The following CARS1 variants were observed in gnomAD, a reference collection of about 807,000 sequenced individuals.
CARS1 encodes cysteinyl-tRNA synthetase 1, also known as cysteine--tRNA ligase, cytoplasmic.
CARS1 carries 48 observed loss-of-function variants against 106.2 expected under a neutral mutation model. That is an observed-to-expected ratio of 0.45 (90% CI 0.36 to 0.57). The LOEUF is 0.57. Among genes scored for constraint, CARS1 ranks in the 20% least tolerant of loss-of-function variants. The pLI is 0.00. For synonymous variants in CARS1, 409 were observed against 403.4 expected, an observed-to-expected ratio of 1.01 and a Z score of -0.17; for missense variants, 968 against 1,057.2, an observed-to-expected ratio of 0.92 and a Z score of 1.17.
intron 18 of CARS1, chr11:3,009,338 A>T (rs1039744765): frequency 5.3e-5 from 8 of 152,268 alleles, no homozygotes; most frequent in African/African-American, 1.9e-4. Flanking sequence ...TAAGCCAGAC[A>T]CAGGACAAAC....
At chr11:3,002,289 T>C (rs750363683) in intron 21 of CARS1, 1 of 655,766 alleles carries the variant, frequency 1.5e-6, no homozygotes, top group Non-Finnish European at 2.6e-6. Context: ...AACCTAATAG[T>C]AGTAAGTCTA....
At chr11:3,001,759 G>A (rs549357873) in intron 22 of CARS1, among the ~76,000 whole-genome samples, 1 of 152,344 alleles carries the variant, frequency 6.6e-6, no homozygotes, top group South Asian at 2.1e-4. Flanking sequence ...AGTGGAGGGG[G>A]CCCTGGCACG....
rs748355863 is a variant in CARS1, at chr11:3,047,931, G to A, written c.96C>T (p.Leu32=). The A allele has an allele frequency of 1.2e-6, 2 of 1,614,062 alleles. No individual in the cohort carries two copies. Among genetic ancestry groups the A allele is most frequent in the Non-Finnish European group, 1.7e-6 (2 of 1,180,050 alleles). Residue 32 remains leucine (L), a synonymous_variant, in exon 2 of 23, where the codon CTC becomes CTT. Coordinates refer to ENST00000380525, the MANE Select transcript of CARS1 (RefSeq NM_001014437.3). ...AARAQALNEH[L]STRSYVQGYS... ...ACCCCTGGACATAGCTACGCGTGCT[G>A]AGGTGCTCGTTCAGGGCTTGTGCCC...
chr11:3,026,473 T>C (rs1475155276), intron 10 of CARS1, among the ~76,000 whole-genome samples: 1 of 152,044 alleles, frequency 6.6e-6, no homozygotes, highest in Non-Finnish European at 1.5e-5. Context: ...TTATTATATA[T>C]CCATTAAAAA....
intron 7 of CARS1, among the ~76,000 whole-genome samples, chr11:3,033,659 C>A (rs1233365494): frequency 6.6e-6 from 1 of 151,970 alleles, no homozygotes; most frequent in Non-Finnish European, 1.5e-5. Context: ...CAAAGAAAAA[C>A]AGAATAAATC....
At chr11:3,027,414 G>A (rs1476281667) in intron 9 of CARS1, 1 of 155,184 alleles carries the variant, frequency 6.4e-6, no homozygotes, top group East Asian at 1.9e-4. Context: ...GGGTCTCTGG[G>A]AGCAGGCGCA....
intron 10 of CARS1, among the ~76,000 whole-genome samples, chr11:3,023,203 C>T (rs1851736017): frequency 6.6e-6 from 1 of 152,178 alleles, no homozygotes; most frequent in African/African-American, 2.4e-5. Context: ...AACATTCCTT[C>T]ACCACGTGAC....
rs376634473 is a variant in CARS1, at chr11:3,005,367, C to T, written c.2216G>A (p.Arg739Gln). 3.2e-5 allele frequency: 51 copies of T among 1,608,680 alleles called. 1 individual carries two copies. Among genetic ancestry groups the T allele is most frequent in the South Asian group, 2.0e-4 (18 of 90,802 alleles). Residue 739 changes from arginine (R) to glutamine (Q), a missense_variant and splice_region_variant, in exon 20 of 23, where the codon CGG (arginine) becomes CAG (glutamine). Arg to Gln is a conservative substitution (Grantham distance 43). Transcript: ENST00000380525. ...TTAAGTCATTTTCACTTTACTCACC[C>T]GTCTCTTTTCTTCTCTCTCTTTTAA... ...TLLKEREEKRRVEEEKRKKKE... is the reference protein window; with the variant it reads ...TLLKEREEKRQVEEEKRKKKE...
intron 10 of CARS1, among the ~76,000 whole-genome samples, chr11:3,023,142 T>C (rs1003484224): frequency 2.0e-5 from 3 of 152,158 alleles, no homozygotes; most frequent in African/African-American, 7.2e-5. Flanking sequence ...TGGGGCCAGA[T>C]AGCAAAATTC....
rs1297681091 is a variant in CARS1 at position 3,037,517 on chromosome 11, C to T, written c.801+533G>A. On this transcript the variant is annotated intron_variant, in intron 7 of 22. Transcript: ENST00000380525. The surrounding 1 kb of genome is among the most constrained non-coding windows in gnomAD (Gnocchi z 5.9). ...CTGACTGTGTCCAGGGCGCCAGCCA[C>T]AGGGAAAGGCCTGAGGAAGAGGGCA... Among the ~76,000 whole-genome samples, 1 of 152,222 alleles carries T rather than the reference C, an allele frequency of 6.6e-6. No individual in the cohort carries two copies. The highest frequency in any genetic ancestry group is 1.5e-5 in the Non-Finnish European group (1 of 68,038).
Position 3,044,117 on chromosome 11 carries a change from G to T in CARS1, c.275-1861C>A, listed in dbSNP as rs1401332714. On this transcript the variant is annotated intron_variant, in intron 2 of 22. Transcript: ENST00000380525. This position sits in a 1 kb window ranked among gnomAD's most constrained non-coding sequence, Gnocchi z 4.4. ...TCTCCTCCCTCACAAAGACCCTGGA[G>T]CTCCTTCAATAGGACACTGCTGCCA... 6.6e-6 allele frequency among the ~76,000 whole-genome samples: 1 copy of T among 152,156 alleles called. No individual in the cohort carries two copies. The highest frequency in any genetic ancestry group is 1.5e-5 in the Non-Finnish European group (1 of 68,030).
At chr11:3,056,478 A>C (rs1436791405) in intron 1 of CARS1, among the ~76,000 whole-genome samples, 1 of 152,168 alleles carries the variant, frequency 6.6e-6, no homozygotes, top group Non-Finnish European at 1.5e-5. Context: ...TGGTGACATG[A>C]GTGACTGGGG....
At chr11:3,031,599 A>G (rs1852767335) in intron 7 of CARS1, 1 of 152,246 alleles carries the variant, frequency 6.6e-6, no homozygotes, top group Non-Finnish European at 1.5e-5. Context: ...ATAAACTGAA[A>G]AACCAACTCT....
In CARS1 at chr11:3,026,679, C is replaced by T; in HGVS notation, c.1150G>A (p.Glu384Lys). Residue 384 changes from glutamate to lysine, a missense_variant, in exon 10 of 23, where the codon GAA (glutamate) becomes AAA (lysine). Transcript: ENST00000380525. ...VGDQKALQEG[E>K]GDLSISADRL... ...CTCTCAGGCATGCCCTCCTCACCTT[C>T]CCCTTCTTGAAGGGCTTTCTGATCT... 1 of 1,613,792 alleles carries T rather than the reference C, an allele frequency of 6.2e-7. No individual in the cohort carries two copies. The highest frequency in any genetic ancestry group is 8.5e-7 in the Non-Finnish European group (1 of 1,179,904).
chr11:3,017,616 C>T lies in CARS1; in HGVS notation c.1727+241G>A. 5 of 563,766 alleles carry T rather than the reference C, an allele frequency of 8.9e-6. No individual in the cohort carries two copies. The highest frequency in any genetic ancestry group is 1.6e-5 in the Non-Finnish European group (5 of 320,016). The allele number at this position is 563,766 out of a possible 1,614,324, so 34.9% of individuals were successfully genotyped here. A position where few individuals can be genotyped will look rare whatever the true frequency, so the allele number is the denominator to read the frequency against. On this transcript the variant is annotated intron_variant, in intron 15 of 22. Coordinates refer to ENST00000380525, the MANE Select transcript of CARS1 (RefSeq NM_001014437.3). The surrounding 1 kb of genome is among the most constrained non-coding windows in gnomAD (Gnocchi z 4.9). ...CGAGATCACGCCACTGCACTCCAGC[C>T]TGGGCAACAAGGGCGAAACTCCGTC...
rs773861718 is a variant in CARS1, at chr11:3,038,015, C to T, written c.801+35G>A. On this transcript the variant is annotated intron_variant, in intron 7 of 22. Transcript: ENST00000380525. This position sits in a 1 kb window ranked among gnomAD's most constrained non-coding sequence, Gnocchi z 4.0. ...TCTATGCACGGCCCGACATTTGACCCGAACGGGCTGTCTGGGAGATGTGTG... is the reference window on the plus strand; with the variant it reads ...TCTATGCACGGCCCGACATTTGACCTGAACGGGCTGTCTGGGAGATGTGTG... The T allele has an allele frequency of 9.4e-6, 15 of 1,595,476 alleles. No homozygotes were observed. The highest frequency in any genetic ancestry group is 1.2e-5 in the Non-Finnish European group (14 of 1,166,872).
At position 3,029,349 on chromosome 11, in the gene CARS1, G is replaced by A; in HGVS notation, c.896C>T (p.Pro299Leu). Residue 299 changes from proline to leucine, a missense_variant, in exon 8 of 23, where the codon CCC becomes CTC. Coordinates refer to ENST00000380525, the MANE Select transcript of CARS1 (RefSeq NM_001014437.3). The surrounding 1 kb of genome is among the most constrained non-coding windows in gnomAD (Gnocchi z 5.9). The stretch of plus-strand genomic sequence containing the variant: ...GTGGAAGTCCCCCTCCCAGAACTTG[G>A]GCAGCTTGGAGAAGATGGAATTGTC... ...VTDNSIFSKL[P>L]KFWEGDFHRD... 3 of 1,614,006 alleles carry A rather than the reference G, an allele frequency of 1.9e-6. No individual in the cohort carries two copies. The highest frequency in any genetic ancestry group is 2.5e-6 in the Non-Finnish European group (3 of 1,179,892).
At chr11:3,026,821 G>A in intron 9 of CARS1, 24 bp from the exon 10 acceptor site, 3 of 1,603,066 alleles carry the variant, frequency 1.9e-6, no homozygotes, top group Non-Finnish European at 2.6e-6. Flanking sequence ...AAGGAATTGG[G>A]TGGGTGCATC....
At chr11:3,055,246 C>T (rs1438014667) in intron 1 of CARS1, among the ~76,000 whole-genome samples, 3 of 152,140 alleles carry the variant, frequency 2.0e-5, no homozygotes, top group East Asian at 3.9e-4. Flanking sequence ...CTGCAAGCTC[C>T]GCCTCCTGGG....
Sources: gnomAD v4.1 joint callset for allele counts (sites outside exome capture counted in the v4.1 genomes callset) on GRCh38, gnomAD v4.1.1 for gene constraint, Gnocchi (gnomAD v3.1) non-coding constraint, MANE v1.5 for transcripts, NCBI Gene and HGNC (gene_info 2026-07-23, HGNC 2026-07-21) for gene names.